KCNU1: variants seen among roughly 807,000 people sequenced by gnomAD.
KCNU1 encodes potassium channel subfamily U member 1.
KCNU1 carries 93 observed loss-of-function variants against 126.8 expected under a neutral mutation model. The ratio of observed to expected loss-of-function variants is 0.73; its 90% CI spans 0.62 to 0.87. The LOEUF (loss-of-function observed/expected upper bound fraction) is 0.87, where lower values mean the gene tolerates loss of function less well. Ranked by LOEUF, KCNU1 falls within the 40% of genes least tolerant of loss-of-function variation. KCNU1 has a pLI of 0.00. For synonymous variants in KCNU1, 523 were observed against 494.2 expected (o/e 1.06, Z -0.77); for missense variants, 1,330 against 1,367.1 (o/e 0.97, Z 0.43).
At chr8:36,812,393 A>AT (rs1181371734) in intron 7 of KCNU1, among the ~76,000 whole-genome samples, 83 of 151,954 alleles carry the variant, frequency 5.5e-4, no homozygotes, top group African/African-American at 2.0e-3. Flanking sequence ...AAAAAAAAAA[A>AT]AAAAGTAGTG....
intron 2 of KCNU1, among the ~76,000 whole-genome samples, chr8:36,802,603 G>GA (rs1313492705): frequency 6.6e-6 from 1 of 152,150 alleles, no homozygotes; most frequent in African/African-American, 2.4e-5. Context: ...CAGAAAATAG[G>GA]AGGGTGAGAA....
At chr8:36,823,235 T>C (rs904625713) in intron 10 of KCNU1, among the ~76,000 whole-genome samples, 2 of 152,178 alleles carry the variant, frequency 1.3e-5, no homozygotes, top group African/African-American at 4.8e-5. Flanking sequence ...AAGTTACACA[T>C]CAAAAGTAAA....
At chr8:36,822,267 G>A (rs950591128) in intron 10 of KCNU1, among the ~76,000 whole-genome samples, 5 of 151,810 alleles carry the variant, frequency 3.3e-5, no homozygotes, top group Admixed American at 1.3e-4. Flanking sequence ...ATATACATAC[G>A]TATGTATGTA....
In KCNU1 at chr8:36,840,523, A is replaced by G. The variant is rs1332352608; in HGVS notation, c.1579A>G (p.Thr527Ala). Residue 527 changes from threonine to alanine, a missense_variant, in exon 15 of 27, where the codon ACC becomes GCC. Thr to Ala is a moderately conservative substitution (Grantham distance 58, BLOSUM62 0). Around this residue, in one of 3 missense-constraint regions of KCNU1, gnomAD observed 1,054 missense variants for 1,053.9 expected, o/e 1.00. Transcript: ENST00000399881. ...GAATAGCATGAAAAACAAAATTCTG[A>G]CCCAACGTCTCTCTGATGACTTTGC... is the stretch of plus-strand genomic sequence containing the variant. ...FLNSMKNKIL[T>A]QRLSDDFAGM... 3.1e-6 allele frequency: 5 copies of G among 1,613,096 alleles called. No individual in the cohort carries two copies. Among genetic ancestry groups the G allele is most frequent in the Non-Finnish European group, 3.4e-6 (4 of 1,179,408 alleles).
intron 22 of KCNU1, 130 bp downstream of exon 22, chr8:36,911,249 A>T: frequency 1.6e-6 from 1 of 619,150 alleles, no homozygotes; most frequent in Non-Finnish European, 2.7e-6. Flanking sequence ...GTCCCTTCCA[A>T]TCCTGAGAAT....
chr8:36,918,727 A>G lies in KCNU1; in HGVS notation c.2522-96A>G. Reference sequence around the variant, plus strand: ...ATTTATACATGAAAGTAACTTTGCTAAGATAAAGCACCAAGTTACATTATA... The same window carrying G: ...ATTTATACATGAAAGTAACTTTGCTGAGATAAAGCACCAAGTTACATTATA... On this transcript the variant is annotated intron_variant, in intron 22 of 26. Transcript: ENST00000399881. 3.7e-6 allele frequency: 3 copies of G among 802,376 alleles called. No individual in the cohort carries two copies. In the South Asian group the frequency reaches 4.6e-5, roughly 12 times the overall value. The allele number at this position is 802,376 out of a possible 1,614,324, so 49.7% of individuals were successfully genotyped here.
intron 19 of KCNU1, among the ~76,000 whole-genome samples, chr8:36,884,223 T>C (rs907490379): frequency 1.3e-5 from 2 of 152,284 alleles, no homozygotes; most frequent in Admixed American, 1.3e-4. Context: ...CCAGTCTATT[T>C]ATAATTTGGT....
intron 24 of KCNU1, among the ~76,000 whole-genome samples, chr8:36,924,566 A>G (rs1295721046): frequency 6.6e-6 from 1 of 152,158 alleles, no homozygotes; most frequent in African/African-American, 2.4e-5. Context: ...GGTAAAGTGC[A>G]AGGCTCCTAA....
chr8:36,884,041 C>T (rs10099214), intron 19 of KCNU1, among the ~76,000 whole-genome samples: 56,485 of 151,894 alleles, frequency 0.37, 10,796 homozygotes, highest in Admixed American at 0.43. Context: ...CCTGAGATAA[C>T]GAAGTTTCAT....
chr8:36,884,549 A>C (rs1008231387), intron 19 of KCNU1, among the ~76,000 whole-genome samples: 1 of 152,086 alleles, frequency 6.6e-6, no homozygotes, highest in African/African-American at 2.4e-5. Flanking sequence ...CAGTCTGGCC[A>C]ACATGGTGAA....
Position 36,835,706 on chromosome 8 carries a change from T to A in KCNU1, c.1296-590T>A, listed in dbSNP as rs76813847. ...TATTACATTAAACTGTGAACTCTTC[T>A]AGCAAGAACGTGACTTGTGATAACT... On this transcript the variant is annotated intron_variant, in intron 12 of 26. Coordinates refer to ENST00000399881, the MANE Select transcript of KCNU1 (RefSeq NM_001031836.3). 0.019 allele frequency among the ~76,000 whole-genome samples: 2,868 copies of A among 152,300 alleles called. 234 individuals carry two copies. The East Asian group carries it at 0.26, about 14-fold the overall frequency.
intron 20 of KCNU1, among the ~76,000 whole-genome samples, chr8:36,906,828 C>T (rs1807648706): frequency 6.6e-6 from 1 of 152,088 alleles, no homozygotes; most frequent in Non-Finnish European, 1.5e-5. Context: ...ATTAGGGTTG[C>T]TGAAACTCAC....
chr8:36,878,700 A>G (rs1216440457), intron 19 of KCNU1, among the ~76,000 whole-genome samples: 1 of 151,830 alleles, frequency 6.6e-6, no homozygotes, highest in African/African-American at 2.4e-5. Flanking sequence ...AATAAGCACA[A>G]GAACAATAGT....
rs536881858 is a variant in KCNU1 at position 36,875,637 on chromosome 8, A to G, written c.2009+11116A>G. On this transcript the variant is annotated intron_variant, in intron 19 of 26. Coordinates refer to ENST00000399881, the MANE Select transcript of KCNU1 (RefSeq NM_001031836.3). ...AAAAATGTCCAGTTTCTATTTACTTATTGCATGTAATAATTATGATTAATA... is the reference window on the plus strand; with the variant it reads ...AAAAATGTCCAGTTTCTATTTACTTGTTGCATGTAATAATTATGATTAATA... Among the ~76,000 whole-genome samples the G allele has an allele frequency of 3.7e-3, 561 of 152,170 alleles. 1 individual carries two copies. Among genetic ancestry groups the G allele is most frequent in the African/African-American group, 0.013 (537 of 41,550 alleles).
intron 24 of KCNU1, among the ~76,000 whole-genome samples, chr8:36,930,479 A>C (rs1339957647): frequency 6.6e-6 from 1 of 152,186 alleles, no homozygotes; most frequent in Non-Finnish European, 1.5e-5. Flanking sequence ...GGTCACAAAC[A>C]AAAGGATTAT....
At chr8:36,807,533 C>A in intron 6 of KCNU1, 83 bp downstream of exon 6, 3 of 959,502 alleles carry the variant, frequency 3.1e-6, no homozygotes, top group Non-Finnish European at 5.0e-6. Flanking sequence ...AAACTCAATG[C>A]ATTTCTTATC....
intron 16 of KCNU1, among the ~76,000 whole-genome samples, chr8:36,843,741 G>T (rs1038912417): frequency 6.6e-6 from 1 of 152,134 alleles, no homozygotes; most frequent in Non-Finnish European, 1.5e-5. Context: ...TCACTTTTTA[G>T]CTCCTCTTCA....
chr8:36,851,474 T>C lies in KCNU1; in HGVS notation c.1891+5575T>C, dbSNP rs542800380. ...TCCTTTTGTCTTCTGCCATGATTGT[T>C]AGTTTCCTGAGACCTCCCGAGCCAT... is the stretch of plus-strand genomic sequence containing the variant. On this transcript the variant is annotated intron_variant, in intron 18 of 26. Coordinates refer to ENST00000399881, the MANE Select transcript of KCNU1 (RefSeq NM_001031836.3). Among the ~76,000 whole-genome samples, 23 of 152,102 alleles carry C rather than the reference T, an allele frequency of 1.5e-4. No homozygotes were observed. In the East Asian group the frequency reaches 3.9e-3, roughly 26 times the overall value.
In KCNU1 at chr8:36,784,452, G is replaced by A. The variant is rs1400947239; in HGVS notation, c.42G>A (p.Leu14=). The A allele has an allele frequency of 6.2e-7, 1 of 1,613,506 alleles. No homozygotes were observed. Among genetic ancestry groups the A allele is most frequent in the African/African-American group, 1.3e-5 (1 of 75,012 alleles). ...TKLRNETWED[L]PKMSCTTEIQ... is the part of the protein sequence containing the mutation. ...TACGAAATGAAACTTGGGAAGACTT[G>A]CCAAAAATGTCCTGCACAACTGAGA... Residue 14 remains leucine, a synonymous_variant, in exon 1 of 27, where the codon TTG becomes TTA. Coordinates refer to ENST00000399881, the MANE Select transcript of KCNU1 (RefSeq NM_001031836.3).
Sources: gnomAD v4.1 joint callset for allele counts (sites outside exome capture counted in the v4.1 genomes callset) on GRCh38, gnomAD v4.1.1 for gene constraint, gnomAD v4.1.1 regional missense constraint, MANE v1.5 for transcripts, NCBI Gene and HGNC (gene_info 2026-07-23, HGNC 2026-07-21) for gene names.